Variants in DNASE1 observed in about 807,000 individuals in gnomAD.
The protein encoded by DNASE1 is deoxyribonuclease-1.
Under a neutral mutation model 33.9 loss-of-function variants are expected in DNASE1, and 40 were observed. The ratio of observed to expected loss-of-function variants is 1.18; its 90% confidence interval spans 0.92 to 1.54. The LOEUF is 1.54. DNASE1 is among the 40% of genes most tolerant of loss of function. The pLI, the probability that DNASE1 is intolerant of heterozygous loss-of-function variation, is 0.00. For missense variants in DNASE1, 518 were observed against 372.6 expected, an observed-to-expected ratio of 1.39 and a Z score of -3.21; for synonymous variants, 216 against 160.0, an observed-to-expected ratio of 1.35 and a Z score of -2.64.
intron 1 of DNASE1, among the ~76,000 whole-genome samples, chr16:3,618,280 G>A (rs992294193): frequency 7.9e-5 from 12 of 151,730 alleles, no homozygotes; most frequent in Non-Finnish European, 2.9e-5. Flanking sequence ...TATTGGTGAG[G>A]ATGTAAGGAA....
At chr16:3,630,617 T>G in intron 1 of DNASE1, among the ~76,000 whole-genome samples, 2 of 152,336 alleles carry the variant, frequency 1.3e-5, no homozygotes, top group Middle Eastern at 6.8e-3. Context: ...TTTTTAAATT[T>G]AAAGTCTCTT....
intron 1 of DNASE1, among the ~76,000 whole-genome samples, chr16:3,646,502 G>A (rs541728920): frequency 3.6e-4 from 55 of 152,034 alleles, no homozygotes; most frequent in Non-Finnish European, 6.2e-4. Context: ...GGGTGTAGGG[G>A]TTGGGTGGGG....
At chr16:3,658,186 A>G (rs2042827984), downstream of DNASE1, 1 of 1,614,052 alleles carries the variant, frequency 6.2e-7, no homozygotes, top group African/African-American at 1.3e-5. Flanking sequence ...CCATGGCCCT[A>G]GGGTCGTCAA....
chr16:3,618,168 A>G (rs1205178630), intron 1 of DNASE1, among the ~76,000 whole-genome samples: 1 of 151,704 alleles, frequency 6.6e-6, no homozygotes, highest in Non-Finnish European at 1.5e-5. Context: ...TGAAAAGATG[A>G]TCAGCATCAT....
intron 2 of DNASE1, 135 bp from the exon 3 acceptor site, chr16:3,655,714 G>GGA: frequency 7.2e-7 from 1 of 1,395,772 alleles, no homozygotes; most frequent in Non-Finnish European, 1.0e-6. Flanking sequence ...GCTGGCAGCA[G>GGA]GAGCCCAGGC....
chr16:3,643,265 A>T (rs1055310123), intron 1 of DNASE1, among the ~76,000 whole-genome samples: 8 of 152,380 alleles, frequency 5.3e-5, no homozygotes, highest in African/African-American at 1.9e-4. Flanking sequence ...GACGGACATT[A>T]GGCACTGGTC....
intron 1 of DNASE1, among the ~76,000 whole-genome samples, chr16:3,628,986 A>G (rs897221522): frequency 4.0e-5 from 6 of 150,068 alleles, no homozygotes; most frequent in Admixed American, 2.6e-4. Flanking sequence ...AGCCTGGCCA[A>G]CATAGTGAAA....
intron 2 of DNASE1, 56 bp from the exon 3 acceptor site, chr16:3,655,793 G>A (rs1231136761): frequency 3.5e-5 from 56 of 1,600,596 alleles, no homozygotes; most frequent in Non-Finnish European, 4.4e-5. Context: ...TTGTGGCGCT[G>A]TAGGGTCCCT....
At chr16:3,650,625 A>T (rs908727758), upstream of DNASE1, 1 of 137,140 alleles carries the variant, frequency 7.3e-6, no homozygotes, top group African/African-American at 2.8e-5. Flanking sequence ...AAAAAAGAAA[A>T]GAAAAAGAAA....
intron 1 of DNASE1, among the ~76,000 whole-genome samples, chr16:3,613,856 C>T (rs1240816439): frequency 3.9e-5 from 6 of 151,924 alleles, no homozygotes; most frequent in African/African-American, 1.5e-4. Flanking sequence ...ATTCTCCTGC[C>T]TCAGCCTCCG....
In DNASE1 at chr16:3,655,837, C is replaced by T. The variant is rs2042568585; in HGVS notation, c.148-12C>T. 2 of 1,613,236 alleles carry T rather than the reference C, an allele frequency of 1.2e-6. No individual in the cohort carries two copies. Among genetic ancestry groups the T allele is most frequent in the African/African-American group, 1.3e-5 (1 of 75,050 alleles). On this transcript the variant is annotated splice_polypyrimidine_tract_variant and intron_variant, in intron 2 of 8. Transcript: ENST00000246949. ...CCAGCCCTGCTCAGCACCACTGTGG[C>T]CCTGCCCCCAGATCCTGAGCCGCTA...
chr16:3,657,298 A>G lies in DNASE1; in HGVS notation c.661A>G (p.Ser221Gly), dbSNP rs745829777. Reference protein sequence around the residue: ...SPTFQWLIPDSADTTATPTHC... With the variant: ...SPTFQWLIPDGADTTATPTHC... Reference sequence around the variant, plus strand: ...CACCTTCCAGTGGCTGATCCCCGACAGCGCTGACACCACAGCTACACCCAC... The same window carrying G: ...CACCTTCCAGTGGCTGATCCCCGACGGCGCTGACACCACAGCTACACCCAC... Residue 221 changes from serine to glycine, a missense_variant, in exon 7 of 9, where the codon AGC becomes GGC. Ser to Gly is a moderately conservative substitution (Grantham distance 56). Coordinates refer to ENST00000246949, the MANE Select transcript of DNASE1 (RefSeq NM_005223.4). 8 of 1,613,916 alleles carry G rather than the reference A, an allele frequency of 5.0e-6. No individual in the cohort carries two copies. The South Asian group carries it at 8.8e-5, about 18-fold the overall frequency.
chr16:3,613,773 G>A (rs1453641532), intron 1 of DNASE1, among the ~76,000 whole-genome samples: 3 of 152,098 alleles, frequency 2.0e-5, no homozygotes, highest in Non-Finnish European at 4.4e-5. Flanking sequence ...CTTCGTTTTC[G>A]ACGGAGTTTG....
chr16:3,653,840 AACTG>A (rs2042434094), upstream of DNASE1: 2 of 125,004 alleles, frequency 1.6e-5, no homozygotes, highest in Admixed American at 8.7e-5. Flanking sequence ...AAAAAAAAAA[AACTG>A]AGCATGGTAG....
At chr16:3,653,826 A>AAAAAAAAAAACAAAAAAAC (rs2042428489), upstream of DNASE1, 1 of 144,908 alleles carries the variant, frequency 6.9e-6, no homozygotes, top group African/African-American at 2.6e-5. Flanking sequence ...AAAAAAAAAA[A>AAAAAAAAAAACAAAAAAAC]AAAAAAAAAA....
At chr16:3,636,603 C>T (rs1236145892) in intron 1 of DNASE1, among the ~76,000 whole-genome samples, 1 of 152,136 alleles carries the variant, frequency 6.6e-6, no homozygotes, top group African/African-American at 2.4e-5. Flanking sequence ...GGGAGGATCG[C>T]TTGAGCCCAG....
intron 1 of DNASE1, among the ~76,000 whole-genome samples, chr16:3,617,326 CAAA>C (rs56670885): frequency 2.9e-4 from 17 of 57,716 alleles, no homozygotes; most frequent in African/African-American, 1.2e-3. Flanking sequence ...AACTCCATCT[CAAA>C]AAAAAAAAAA....
At chr16:3,645,624 G>A (rs1219621105) in intron 1 of DNASE1, among the ~76,000 whole-genome samples, 1 of 152,204 alleles carries the variant, frequency 6.6e-6, no homozygotes, top group Non-Finnish European at 1.5e-5. Context: ...CGTGGTTCAG[G>A]CCCACACCTC....
chr16:3,629,373 A>T (rs1469217318), intron 1 of DNASE1, among the ~76,000 whole-genome samples: 5 of 152,126 alleles, frequency 3.3e-5, no homozygotes, highest in African/African-American at 9.7e-5. Flanking sequence ...TTATTCCATT[A>T]ATGTGGTATG....
Sources: allele counts gnomAD v4.1 joint callset (sites outside exome capture counted in the v4.1 genomes callset), GRCh38; gene constraint gnomAD v4.1.1; transcripts MANE v1.5; gene names NCBI Gene and HGNC (gene_info 2026-07-23, HGNC 2026-07-21).